The following CHLSN variants were observed in gnomAD, a reference collection of about 807,000 sequenced individuals.
CHLSN encodes protein cholesin.
the CHLSN span, among the ~76,000 whole-genome samples, chr7:1,128,742 C>G: frequency 6.6e-5 from 2 of 30,242 alleles, 1 homozygote; most frequent in East Asian, 1.3e-3. Flanking sequence ...CCCTGTCACC[C>G]GGGCTGGAGT....
the CHLSN span, among the ~76,000 whole-genome samples, chr7:1,021,039 C>T: frequency 1.3e-5 from 2 of 151,806 alleles, no homozygotes; most frequent in Non-Finnish European, 2.9e-5. Flanking sequence ...GGTTGGGGAC[C>T]TCCCAGCAGG....
At chr7:1,109,177 G>A in the CHLSN span, among the ~76,000 whole-genome samples, 5 of 152,100 alleles carry the variant, frequency 3.3e-5, no homozygotes, top group Admixed American at 6.5e-5. Flanking sequence ...GAGCCACCAC[G>A]CCCAGCCTCT....
chr7:1,058,551 GTGGACGCAGAGCACTTAGTTACCC>G, the CHLSN span: 1 of 754,464 alleles, frequency 1.3e-6, no homozygotes, highest in East Asian at 2.4e-5. Flanking sequence ...CGTGACTCTG[GTGGACGCAGAGCACTTAGTTACCC>G]TGGACGCTCC....
chr7:1,068,878 G>T, the CHLSN span, among the ~76,000 whole-genome samples: 16 of 152,128 alleles, frequency 1.1e-4, no homozygotes, highest in East Asian at 2.5e-3. Flanking sequence ...GCCCCTGCCC[G>T]ACAACCAATA....
At chr7:1,095,778 G>A in the CHLSN span, among the ~76,000 whole-genome samples, 4 of 152,328 alleles carry the variant, frequency 2.6e-5, no homozygotes, top group South Asian at 8.3e-4. Context: ...CGCTCTCCTG[G>A]CTCAAAGCCC....
the CHLSN span, among the ~76,000 whole-genome samples, chr7:1,015,477 G>A: frequency 2.1e-4 from 32 of 152,228 alleles, no homozygotes; most frequent in African/African-American, 7.0e-4. Context: ...CATCCACGCC[G>A]CTCTGGACTC....
At chr7:1,058,382 C>T in the CHLSN span, 7 of 780,624 alleles carry the variant, frequency 9.0e-6, no homozygotes, top group African/African-American at 1.2e-4. Flanking sequence ...TCTCCAGCAG[C>T]TTTGTGACAC....
chr7:1,016,751 G>T, the CHLSN span, among the ~76,000 whole-genome samples: 1 of 105,290 alleles, frequency 9.5e-6, no homozygotes, highest in Non-Finnish European at 1.8e-5. Context: ...GCGCACAGCA[G>T]CACACGCCAG....
chr7:1,110,748 G>C, the CHLSN span, among the ~76,000 whole-genome samples: 10 of 152,126 alleles, frequency 6.6e-5, no homozygotes, highest in East Asian at 1.7e-3. Flanking sequence ...ATAGATAAAG[G>C]CTCTTAGTTT....
the CHLSN span, among the ~76,000 whole-genome samples, chr7:1,115,207 G>C: frequency 6.6e-6 from 1 of 152,172 alleles, no homozygotes; most frequent in African/African-American, 2.4e-5. Context: ...GTGTTTCTTG[G>C]GGAGAGGGAA....
the CHLSN span, among the ~76,000 whole-genome samples, chr7:1,050,779 G>A: frequency 1.3e-5 from 2 of 152,214 alleles, no homozygotes; most frequent in Non-Finnish European, 2.9e-5. Context: ...ATGACACAGA[G>A]GCACAGCTGA....
the CHLSN span, among the ~76,000 whole-genome samples, chr7:1,017,745 G>T: frequency 1.3e-5 from 2 of 152,170 alleles, no homozygotes; most frequent in Non-Finnish European, 2.9e-5. Context: ...AGGGGCAGCC[G>T]CGGACGGCGG....
At chr7:1,007,322 A>G in the CHLSN span, among the ~76,000 whole-genome samples, 1 of 152,188 alleles carries the variant, frequency 6.6e-6, no homozygotes, top group Non-Finnish European at 1.5e-5. Flanking sequence ...GGGCCTCTGC[A>G]GGGGGAGGAC....
the CHLSN span, among the ~76,000 whole-genome samples, chr7:1,137,006 C>T: frequency 6.6e-6 from 1 of 152,162 alleles, no homozygotes. Flanking sequence ...CTTTTAAACT[C>T]CTAAATCAGA....
the CHLSN span, among the ~76,000 whole-genome samples, chr7:1,017,711 C>A: frequency 2.0e-5 from 3 of 152,180 alleles, no homozygotes; most frequent in South Asian, 4.1e-4. Flanking sequence ...CTGACTGCCG[C>A]GGGCAGCCGC....
chr7:1,034,693 ATAGAT>A, the CHLSN span, among the ~76,000 whole-genome samples: 6 of 152,310 alleles, frequency 3.9e-5, no homozygotes, highest in South Asian at 1.2e-3. Flanking sequence ...GGTTTGTTGT[ATAGAT>A]TATTTAATCA....
chr7:1,048,744 G>A, the CHLSN span, among the ~76,000 whole-genome samples: 1 of 152,066 alleles, frequency 6.6e-6, no homozygotes, highest in Admixed American at 6.5e-5. Flanking sequence ...GGGTCCTGTC[G>A]CCCCTGTCCA....
the CHLSN span, among the ~76,000 whole-genome samples, chr7:1,129,395 G>A: frequency 5.7e-4 from 25 of 43,696 alleles, 1 homozygote; most frequent in African/African-American, 1.9e-3. Context: ...ACCGTCACCC[G>A]GGCTGGAGTG....
At chr7:1,007,953 T>TC in the CHLSN span, among the ~76,000 whole-genome samples, 1 of 151,778 alleles carries the variant, frequency 6.6e-6, no homozygotes, top group South Asian at 2.1e-4. Context: ...GAGCGGATGG[T>TC]CCCCCCTCTC....
Sources: allele counts gnomAD v4.1 joint callset (sites outside exome capture counted in the v4.1 genomes callset), GRCh38; gene constraint gnomAD v4.1.1; transcripts MANE v1.5; gene names NCBI Gene and HGNC (gene_info 2026-07-23, HGNC 2026-07-21).